Variants in GNA11 observed in about 807,000 individuals in gnomAD.
GNA11 encodes guanine nucleotide-binding protein subunit alpha-11.
GNA11 carries 8 observed loss-of-function variants against 38.2 expected under a neutral mutation model. The ratio of observed to expected loss-of-function variants is 0.21; its 90% CI spans 0.12 to 0.38. GNA11 has a LOEUF of 0.38. Ranked by LOEUF, GNA11 falls within the 10% of genes least tolerant of loss-of-function variation. The probability of loss-of-function intolerance (pLI) is 1.00; values close to 1 mark genes in which losing one functional copy is unlikely to be tolerated. For missense variants in GNA11, 268 were observed against 516.3 expected (o/e 0.52, Z 4.66); for synonymous variants, 211 against 221.4 (o/e 0.95, Z 0.42).
intron 3 of GNA11, 63 bp downstream of exon 3, chr19:3,113,547 T>C: frequency 1.5e-6 from 2 of 1,307,562 alleles, no homozygotes; most frequent in South Asian, 2.9e-5. Context: ...CCTGGGACCC[T>C]TCGGGAAGGC....
At position 3,119,174 on chromosome 19, in the gene GNA11, C is replaced by T; in HGVS notation, c.736-32C>T. On this transcript the variant is annotated intron_variant, in intron 5 of 6. Coordinates refer to ENST00000078429, the MANE Select transcript of GNA11 (RefSeq NM_002067.5). This position sits in a 1 kb window ranked among gnomAD's most constrained non-coding sequence, Gnocchi z 4.6. ...TGGGCTGTGTGCAGTGGGGAGGGCC[C>T]CTCTGATTCCCTCTGCCTTCGCTCC... is the stretch of plus-strand genomic sequence containing the variant. 6.2e-7 allele frequency: 1 copy of T among 1,610,332 alleles called. No individual in the cohort carries two copies. The highest frequency in any genetic ancestry group is 8.5e-7 in the Non-Finnish European group (1 of 1,177,834).
At chr19:3,115,112 GA>G (rs753391348) in intron 4 of GNA11, 40 bp downstream of exon 4, 6 of 1,601,444 alleles carry the variant, frequency 3.7e-6, no homozygotes, top group Non-Finnish European at 5.1e-6. Flanking sequence ...GGGGCACTGA[GA>G]GGCTCATTTG....
chr19:3,102,263 G>A (rs1306909960), intron 1 of GNA11, among the ~76,000 whole-genome samples: 3 of 152,180 alleles, frequency 2.0e-5, no homozygotes, highest in Non-Finnish European at 2.9e-5. Context: ...GCCCCTGACC[G>A]GCGAGGGGCA....
At chr19:3,117,338 C>G (rs1381391216) in intron 4 of GNA11, 2 of 152,500 alleles carry the variant, frequency 1.3e-5, no homozygotes, top group Admixed American at 6.5e-5. Context: ...CTGGGTGTGT[C>G]ACCCCCTCTC....
intron 1 of GNA11, among the ~76,000 whole-genome samples, chr19:3,102,002 G>A (rs1303670924): frequency 6.6e-6 from 1 of 152,096 alleles, no homozygotes; most frequent in African/African-American, 2.4e-5. Flanking sequence ...TGGCTAAGGT[G>A]GGAGGATCAC....
At position 3,120,961 on chromosome 19, in the gene GNA11, C is replaced by T. The variant is rs1479463229; in HGVS notation, c.890-28C>T. Reference sequence around the variant, plus strand: ...TCCCTTGCCCTGGGCCGGGCTGGGGCACAGCCTCACCCTCTGCCCTCCCCC... The same window carrying T: ...TCCCTTGCCCTGGGCCGGGCTGGGGTACAGCCTCACCCTCTGCCCTCCCCC... On this transcript the variant is annotated intron_variant, in intron 6 of 6. Transcript: ENST00000078429. The surrounding 1 kb of genome is among the most constrained non-coding windows in gnomAD (Gnocchi z 5.9). The T allele has an allele frequency of 1.3e-6, 2 of 1,584,104 alleles. No homozygotes were observed. The highest frequency in any genetic ancestry group is 1.7e-6 in the Non-Finnish European group (2 of 1,156,630).
In GNA11 at chr19:3,119,198, C is replaced by T. The variant is rs377219320; in HGVS notation, c.736-8C>T. The T allele has an allele frequency of 2.5e-6, 4 of 1,612,198 alleles. No homozygotes were observed. Among genetic ancestry groups the T allele is most frequent in the East Asian group, 2.2e-5 (1 of 44,872 alleles). On this transcript the variant is annotated splice_region_variant and splice_polypyrimidine_tract_variant and intron_variant, in intron 5 of 6. Coordinates refer to ENST00000078429, the MANE Select transcript of GNA11 (RefSeq NM_002067.5). The surrounding 1 kb of genome is among the most constrained non-coding windows in gnomAD (Gnocchi z 4.6). ...CCCTCTGATTCCCTCTGCCTTCGCT[C>T]CCGCCAGAACCGGATGGAGGAGAGC...
intron 1 of GNA11, among the ~76,000 whole-genome samples, chr19:3,100,910 C>T (rs1913486677): frequency 6.6e-6 from 1 of 152,182 alleles, no homozygotes; most frequent in South Asian, 2.1e-4. Flanking sequence ...GCTGCCCTTC[C>T]TGCTGGCTGC....
At chr19:3,112,540 G>GC (rs1231301630) in intron 2 of GNA11, among the ~76,000 whole-genome samples, 1 of 152,200 alleles carries the variant, frequency 6.6e-6, no homozygotes, top group Non-Finnish European at 1.5e-5. Context: ...GGAAAGGATG[G>GC]CCCCCCCACA....
chr19:3,105,141 T>G (rs536135239), intron 1 of GNA11, among the ~76,000 whole-genome samples: 1 of 151,906 alleles, frequency 6.6e-6, no homozygotes, highest in Admixed American at 6.6e-5. Context: ...ACCCGTGGAG[T>G]GCGTGCTCCC....
At chr19:3,117,150 T>G (rs1913944573) in intron 4 of GNA11, 1 of 152,128 alleles carries the variant, frequency 6.6e-6, no homozygotes, top group African/African-American at 2.4e-5. Flanking sequence ...GAATTCAAGT[T>G]TTTCTTCTTT....
chr19:3,096,225 T>C (rs566830909), intron 1 of GNA11, among the ~76,000 whole-genome samples: 2 of 152,216 alleles, frequency 1.3e-5, no homozygotes, highest in African/African-American at 4.8e-5. Context: ...TCCTGATTTT[T>C]TTCCCCAAAC....
rs1465159337 is a variant in GNA11 at position 3,123,357 on chromosome 19, C to T, written c.*2178C>T. 3 of 233,032 alleles carry T rather than the reference C, an allele frequency of 1.3e-5. No homozygotes were observed. Among genetic ancestry groups the T allele is most frequent in the East Asian group, 6.0e-5 (1 of 16,590 alleles). 14.4% of individuals were successfully genotyped at this position (233,032 alleles called of 1,614,324 possible). Reference sequence around the variant, plus strand: ...GGGTCTGAGTGCCTGATCCCCTGCCCCCCAAAAAAGCAGAGGTAGGTGTTG... The same window carrying T: ...GGGTCTGAGTGCCTGATCCCCTGCCTCCCAAAAAAGCAGAGGTAGGTGTTG... On this transcript the variant is annotated 3_prime_UTR_variant, in exon 7 of 7. Coordinates refer to ENST00000078429, the MANE Select transcript of GNA11 (RefSeq NM_002067.5).
rs551244944 is a variant in GNA11, at chr19:3,121,759, C to T, written c.*580C>T. 1.3e-5 allele frequency: 3 copies of T among 232,816 alleles called. No individual in the cohort carries two copies. Among genetic ancestry groups the T allele is most frequent in the East Asian group, 6.1e-5 (1 of 16,514 alleles). The allele number at this position is 232,816 out of a possible 1,614,324, so 14.4% of individuals were successfully genotyped here. ...CGCGCCTCGCCTCTTCACCCATCAA[C>T]GCTGTGCTTTGCCCACTGGACTCCT... On this transcript the variant is annotated 3_prime_UTR_variant, in exon 7 of 7. Transcript: ENST00000078429.
rs1914041237 is a variant in GNA11, at chr19:3,120,477, T to G, written c.890-512T>G. Among the ~76,000 whole-genome samples the G allele has an allele frequency of 2.8e-5, 3 of 108,948 alleles. No homozygotes were observed. Among genetic ancestry groups the G allele is most frequent in the Non-Finnish European group, 4.4e-5 (2 of 45,492 alleles). The allele number at this position is 108,948 out of a possible 152,430, so 71.5% of individuals were successfully genotyped here. ...GGCGGGTCGCCTGCATTGTCCAGGG[T>G]GGTGGAGGGGCAGGGGTGGCCGGTG... On this transcript the variant is annotated intron_variant, in intron 6 of 6. Transcript: ENST00000078429. This position sits in a 1 kb window ranked among gnomAD's most constrained non-coding sequence, Gnocchi z 5.9.
chr19:3,119,460 G>A lies in GNA11; in HGVS notation c.889+101G>A. 1 of 1,086,252 alleles carries A rather than the reference G, an allele frequency of 9.2e-7. No homozygotes were observed. The highest frequency in any genetic ancestry group is 1.3e-6 in the Non-Finnish European group (1 of 750,060). 67.3% of individuals were successfully genotyped at this position (1,086,252 alleles called of 1,614,324 possible). ...GGCTCATACAGGCCGGGAGCTCTAAGGGAGGGCGTCTGATGGGAGGTGTCA... is the reference window on the plus strand; with the variant it reads ...GGCTCATACAGGCCGGGAGCTCTAAAGGAGGGCGTCTGATGGGAGGTGTCA... On this transcript the variant is annotated intron_variant, in intron 6 of 6. Transcript: ENST00000078429. This position sits in a 1 kb window ranked among gnomAD's most constrained non-coding sequence, Gnocchi z 4.6.
chr19:3,103,519 CTTTTTTTTTTTTTTTT>C (rs760497682), intron 1 of GNA11, among the ~76,000 whole-genome samples: 9 of 45,804 alleles, frequency 2.0e-4, no homozygotes, highest in Admixed American at 7.0e-4. Context: ...GGCCTTGAAT[CTTTTTTTTTTTTTTTT>C]TTTTTTTTTT....
chr19:3,107,931 C>G (rs752823583), intron 1 of GNA11, among the ~76,000 whole-genome samples: 1 of 152,178 alleles, frequency 6.6e-6, no homozygotes, highest in African/African-American at 2.4e-5. Flanking sequence ...TTCACACTCA[C>G]CCTCACTCCT....
At position 3,120,315 on chromosome 19, in the gene GNA11, G is replaced by A. The variant is rs749771734; in HGVS notation, c.890-674G>A. On this transcript the variant is annotated intron_variant, in intron 6 of 6. Coordinates refer to ENST00000078429, the MANE Select transcript of GNA11 (RefSeq NM_002067.5). The surrounding 1 kb of genome is among the most constrained non-coding windows in gnomAD (Gnocchi z 5.9). ...AGCCGCACGTGGCCCCTGCCCAGCAGCCTGTCCTGTGGGCTCAGAGAGCCC... is the reference window on the plus strand; with the variant it reads ...AGCCGCACGTGGCCCCTGCCCAGCAACCTGTCCTGTGGGCTCAGAGAGCCC... 6.6e-5 allele frequency among the ~76,000 whole-genome samples: 10 copies of A among 152,082 alleles called. No individual in the cohort carries two copies. The highest frequency in any genetic ancestry group is 1.0e-4 in the Non-Finnish European group (7 of 67,962).
Sources: gnomAD v4.1 joint callset for allele counts (sites outside exome capture counted in the v4.1 genomes callset) on GRCh38, gnomAD v4.1.1 for gene constraint, Gnocchi (gnomAD v3.1) non-coding constraint, MANE v1.5 for transcripts, NCBI Gene and HGNC (gene_info 2026-07-23, HGNC 2026-07-21) for gene names.